Variants in SULT1C3 observed in about 807,000 individuals in gnomAD.
SULT1C3 encodes sulfotransferase 1C3.
SULT1C3 carries 31 observed loss-of-function variants against 28.4 expected under a neutral mutation model. That is an observed-to-expected ratio of 1.09 (90% CI 0.82 to 1.47). SULT1C3 has a LOEUF of 1.47. Ranked by LOEUF, SULT1C3 falls within the 40% of genes most tolerant of loss-of-function variation. The pLI is 0.00. For missense variants in SULT1C3, 307 were observed against 272.5 expected, an observed-to-expected ratio of 1.13 and a Z score of -0.89; for synonymous variants, 106 against 92.2, an observed-to-expected ratio of 1.15 and a Z score of -0.86.
intron 4 of SULT1C3, among the ~76,000 whole-genome samples, chr2:108,253,644 T>C (rs1017692197): frequency 2.0e-5 from 3 of 152,112 alleles, no homozygotes; most frequent in Admixed American, 2.0e-4. Flanking sequence ...CATTTTCCTC[T>C]AATCCTATTT....
chr2:108,241,703 G>A (rs896921928), intron 1 of SULT1C3, among the ~76,000 whole-genome samples: 8 of 152,272 alleles, frequency 5.3e-5, no homozygotes, highest in African/African-American at 1.9e-4. Flanking sequence ...CCAGGTGGGT[G>A]GGTCATGAGG....
At chr2:108,256,128 G>A (rs1161601838) in intron 5 of SULT1C3, among the ~76,000 whole-genome samples, 1 of 151,998 alleles carries the variant, frequency 6.6e-6, no homozygotes, top group African/African-American at 2.4e-5. Flanking sequence ...GTAGGTCACA[G>A]TGCACAATCT....
At chr2:108,263,853 A>G (rs760632377), downstream of SULT1C3, among the ~76,000 whole-genome samples, 1 of 152,226 alleles carries the variant, frequency 6.6e-6, no homozygotes, top group Non-Finnish European at 1.5e-5. Context: ...TTCAGTTTTC[A>G]AAATATTCTT....
intron 2 of SULT1C3, among the ~76,000 whole-genome samples, chr2:108,247,767 T>A (rs111308042): frequency 0.014 from 2,168 of 152,306 alleles, 23 homozygotes; most frequent in South Asian, 0.047. Context: ...GATTTTCTAA[T>A]CCTCTAAAGC....
intron 5 of SULT1C3, among the ~76,000 whole-genome samples, chr2:108,256,652 C>A (rs530547923): frequency 6.6e-6 from 1 of 152,126 alleles, no homozygotes; most frequent in African/African-American, 2.4e-5. Flanking sequence ...TTCATTATAA[C>A]CAGTCCTGAC....
intron 2 of SULT1C3, among the ~76,000 whole-genome samples, chr2:108,249,435 A>C (rs1675672904): frequency 6.6e-6 from 1 of 152,122 alleles, no homozygotes; most frequent in Non-Finnish European, 1.5e-5. Flanking sequence ...GAGTAACAGA[A>C]AATAATAGTA....
intron 1 of SULT1C3, among the ~76,000 whole-genome samples, chr2:108,244,962 G>C (rs190015729): frequency 1.3e-5 from 2 of 152,164 alleles, no homozygotes; most frequent in African/African-American, 4.8e-5. Flanking sequence ...AGGAGTCCCA[G>C]TGCTTCAAAA....
chr2:108,245,044 C>A (rs1383981636), intron 1 of SULT1C3, among the ~76,000 whole-genome samples: 3 of 152,126 alleles, frequency 2.0e-5, no homozygotes, highest in Admixed American at 2.0e-4. Flanking sequence ...ATAAAAGTGT[C>A]CTTTTAGTCT....
chr2:108,241,342 T>C (rs1434564447), intron 1 of SULT1C3, among the ~76,000 whole-genome samples: 1 of 152,236 alleles, frequency 6.6e-6, no homozygotes, highest in Non-Finnish European at 1.5e-5. Context: ...TACTCATAGA[T>C]AGTCTCCTAA....
intron 5 of SULT1C3, among the ~76,000 whole-genome samples, chr2:108,257,703 A>C (rs1377478899): frequency 6.6e-6 from 1 of 152,086 alleles, no homozygotes; most frequent in Non-Finnish European, 1.5e-5. Flanking sequence ...ACAGTGCCTA[A>C]TATAAAAATT....
In SULT1C3 at chr2:108,253,336, T is replaced by C; in HGVS notation, c.302-9T>C. 1 of 1,503,154 alleles carries C rather than the reference T, an allele frequency of 6.7e-7. No individual in the cohort carries two copies. The highest frequency in any genetic ancestry group is 2.3e-5 in the East Asian group (1 of 43,050). 93.1% of individuals were successfully genotyped at this position (1,503,154 alleles called of 1,614,324 possible). ...GAATAAACAAAGAATATAAATTGTT[T>C]CTTGCTAGATTTGGAGTTCGTTCTT... On this transcript the variant is annotated splice_polypyrimidine_tract_variant and intron_variant, in intron 3 of 7. Transcript: ENST00000681802.
intron 2 of SULT1C3, among the ~76,000 whole-genome samples, chr2:108,249,289 T>C (rs912695178): frequency 1.2e-4 from 19 of 152,066 alleles, no homozygotes; most frequent in Middle Eastern, 3.4e-3. Flanking sequence ...ATATACCCAG[T>C]AAAAATAATA....
intron 5 of SULT1C3, among the ~76,000 whole-genome samples, chr2:108,257,122 T>C (rs1327176774): frequency 1.3e-5 from 2 of 152,208 alleles, no homozygotes; most frequent in African/African-American, 4.8e-5. Flanking sequence ...TGTGTAGTTG[T>C]GATTTACATC....
In SULT1C3 at chr2:108,259,020, G is replaced by A. The variant is rs1573225992; in HGVS notation, c.676G>A (p.Gly226Ser). Residue 226 changes from glycine (G) to serine (S), a missense_variant, in exon 7 of 8, where the codon GGT becomes AGT. Transcript: ENST00000681802. ...GGAATTCTTGGAGAAAACTTGGTCA[G>A]GTGATGTTATAAACAAGATTGTCCA... ...VLEFLEKTWSGDVINKIVHHT... is the reference protein window; with the variant it reads ...VLEFLEKTWSSDVINKIVHHT... 2 of 324,076 alleles carry A rather than the reference G, an allele frequency of 6.2e-6. No homozygotes were observed. The highest frequency in any genetic ancestry group is 4.2e-5 in the African/African-American group (2 of 48,130). The allele number at this position is 324,076 out of a possible 1,614,324, so 20.1% of individuals were successfully genotyped here.
chr2:108,254,971 C>A (rs538393845), intron 4 of SULT1C3, among the ~76,000 whole-genome samples: 1 of 151,906 alleles, frequency 6.6e-6, no homozygotes, highest in Non-Finnish European at 1.5e-5. Flanking sequence ...CCAGGCATGA[C>A]CCACTCGTGT....
intron 1 of SULT1C3, among the ~76,000 whole-genome samples, chr2:108,242,673 C>T (rs560717121): frequency 4.9e-4 from 75 of 152,168 alleles, no homozygotes; most frequent in Admixed American, 1.0e-3. Flanking sequence ...TAACACAATA[C>T]ATAACAGAAC....
At chr2:108,264,917 T>C (rs1276356362), downstream of SULT1C3, 3 of 1,613,956 alleles carry the variant, frequency 1.9e-6, no homozygotes, top group Admixed American at 1.7e-5. Flanking sequence ...ACACCTCCTT[T>C]GATGTAATGA....
intron 7 of SULT1C3, among the ~76,000 whole-genome samples, chr2:108,260,127 G>A (rs1283886234): frequency 4.6e-5 from 7 of 152,074 alleles, no homozygotes; most frequent in Admixed American, 3.3e-4. Context: ...CATTTCCAGT[G>A]GATTTACTAT....
chr2:108,265,239 G>T (rs781220209), downstream of SULT1C3: 2 of 1,613,108 alleles, frequency 1.2e-6, no homozygotes, highest in Non-Finnish European at 1.7e-6. Flanking sequence ...CTTGTTTCAG[G>T]GATGCCTGGA....
Sources: gnomAD v4.1 joint callset for allele counts (sites outside exome capture counted in the v4.1 genomes callset) on GRCh38, gnomAD v4.1.1 for gene constraint, MANE v1.5 for transcripts, NCBI Gene and HGNC (gene_info 2026-07-23, HGNC 2026-07-21) for gene names.